Variants in KIF21B observed in about 807,000 individuals in gnomAD.
The protein encoded by KIF21B is kinesin-like protein KIF21B.
In KIF21B, 85 loss-of-function variants were observed where a neutral mutation model predicts 192.9. The observed-to-expected ratio is 0.44, with a 90% CI of 0.37 to 0.53. KIF21B has a LOEUF of 0.53. Among genes scored for constraint, KIF21B ranks in the 20% least tolerant of loss-of-function variants. The pLI is 0.00. For missense variants in KIF21B, 1,716 were observed against 2,194.8 expected, an observed-to-expected ratio of 0.78 and a Z score of 4.36; for synonymous variants, 832 against 884.6, an observed-to-expected ratio of 0.94 and a Z score of 1.05.
intron 5 of KIF21B, 105 bp from the exon 6 acceptor site, chr1:201,005,038 C>T: frequency 7.5e-7 from 1 of 1,331,664 alleles, no homozygotes; most frequent in Admixed American, 2.0e-5. Context: ...GGCCAAGCGC[C>T]TTGCCCTTCG....
In KIF21B at chr1:200,971,437, G is replaced by C. The variant is rs1006092164; in HGVS notation, c.*2084C>G. Reference sequence around the variant, plus strand: ...CAGTCACCCCAGGTGGGGCATCCCCGGCCCGGGGGTGGGAGCTCAAGGGGA... The same window carrying C: ...CAGTCACCCCAGGTGGGGCATCCCCCGCCCGGGGGTGGGAGCTCAAGGGGA... On this transcript the variant is annotated 3_prime_UTR_variant, in exon 35 of 35. Transcript: ENST00000461742. The C allele has an allele frequency of 6.6e-6, 1 of 152,548 alleles. No homozygotes were observed. The highest frequency in any genetic ancestry group is 1.5e-5 in the Non-Finnish European group (1 of 68,068). The allele number at this position is 152,548 out of a possible 1,614,324, so 9.4% of individuals were successfully genotyped here.
In KIF21B at chr1:200,979,532, C is replaced by CA; in HGVS notation, c.4160+2dup. On this transcript the variant is annotated splice_region_variant and intron_variant, in intron 30 of 34. Coordinates refer to ENST00000461742, the MANE Select transcript of KIF21B (RefSeq NM_001252102.2). The stretch of plus-strand genomic sequence containing the variant: ...CACTGTGAGGCAGGCGGGGGTTACT[C>CA]ACGTGAGAGTCCGAATGCACTTGGC... 1.3e-6 allele frequency: 2 copies of CA among 1,531,770 alleles called. No individual in the cohort carries two copies. The highest frequency in any genetic ancestry group is 1.8e-6 in the Non-Finnish European group (2 of 1,137,150). 94.9% of individuals were successfully genotyped at this position (1,531,770 alleles called of 1,614,324 possible). A position where few individuals can be genotyped will look rare whatever the true frequency, so the allele number is the denominator to read the frequency against.
chr1:201,023,007 A>C lies in KIF21B; in HGVS notation c.41+336T>G, dbSNP rs1658940897. 6.6e-6 allele frequency among the ~76,000 whole-genome samples: 1 copy of C among 152,202 alleles called. No individual in the cohort carries two copies. The highest frequency in any genetic ancestry group is 1.5e-5 in the Non-Finnish European group (1 of 68,036). ...CGTATGAGACAGCAGCCTCGTGGGGAGGCGAAGAGGAAACGCACAGACGCT... is the reference window on the plus strand; with the variant it reads ...CGTATGAGACAGCAGCCTCGTGGGGCGGCGAAGAGGAAACGCACAGACGCT... On this transcript the variant is annotated intron_variant, in intron 1 of 34. Coordinates refer to ENST00000461742, the MANE Select transcript of KIF21B (RefSeq NM_001252102.2). This position sits in a 1 kb window ranked among gnomAD's most constrained non-coding sequence, Gnocchi z 5.9.
At chr1:200,995,675 C>T (rs1034775229) in intron 15 of KIF21B, among the ~76,000 whole-genome samples, 1 of 152,218 alleles carries the variant, frequency 6.6e-6, no homozygotes, top group Non-Finnish European at 1.5e-5. Context: ...CTCTGAGCCT[C>T]ACTTTCTCAT....
chr1:201,006,164 G>A lies in KIF21B; in HGVS notation c.448-470C>T, dbSNP rs539413960. Among the ~76,000 whole-genome samples, 9 of 152,376 alleles carry A rather than the reference G, an allele frequency of 5.9e-5. No homozygotes were observed. The South Asian group carries it at 1.4e-3, about 25-fold the overall frequency. ...GTCTCTGAGGTGACGACAAGCTCTC[G>A]AAGGGGAGGAACACGCCTGTGTGCC... On this transcript the variant is annotated intron_variant, in intron 3 of 34. Transcript: ENST00000461742.
chr1:200,975,922 A>T lies in KIF21B; in HGVS notation c.4444-253T>A, dbSNP rs891730240. Among the ~76,000 whole-genome samples, 1 of 152,038 alleles carries T rather than the reference A, an allele frequency of 6.6e-6. No homozygotes were observed. Among genetic ancestry groups the T allele is most frequent in the African/African-American group, 2.4e-5 (1 of 41,398 alleles). ...CTGGGGCAGGGGTGGGAGGAGACCA[A>T]CTCAAGTAATGCAGGGGTGAATCAG... On this transcript the variant is annotated intron_variant, in intron 32 of 34. Coordinates refer to ENST00000461742, the MANE Select transcript of KIF21B (RefSeq NM_001252102.2). This position sits in a 1 kb window ranked among gnomAD's most constrained non-coding sequence, Gnocchi z 4.3.
chr1:200,986,709 C>A, intron 26 of KIF21B, 135 bp downstream of exon 26: 1 of 756,208 alleles, frequency 1.3e-6, no homozygotes, highest in Non-Finnish European at 2.2e-6. Flanking sequence ...CTGGGTGAAC[C>A]TGAATGGCTC....
chr1:200,986,366 T>C (rs1656303331), intron 26 of KIF21B, among the ~76,000 whole-genome samples: 1 of 151,214 alleles, frequency 6.6e-6, no homozygotes, highest in Non-Finnish European at 1.5e-5. Flanking sequence ...TTTTTTTCTT[T>C]TTTTTTTTTG....
In KIF21B at chr1:200,988,929, C is replaced by A. The variant is rs763331252; in HGVS notation, c.3135G>T (p.Gly1045=). 2 of 1,608,208 alleles carry A rather than the reference C, an allele frequency of 1.2e-6. No homozygotes were observed. Among genetic ancestry groups the A allele is most frequent in the East Asian group, 2.2e-5 (1 of 44,810 alleles). Residue 1045 remains glycine, a splice_region_variant and synonymous_variant, in exon 22 of 35, where the codon GGG becomes GGT. Coordinates refer to ENST00000461742, the MANE Select transcript of KIF21B (RefSeq NM_001252102.2). ...DNFLKASIDK[G]LQVAQKEAQI... ...GGGCTTCCTTTTGTGCCACTTGCAGCCCCTGGGGGCAGGGAACAAAGCCTG... is the reference window on the plus strand; with the variant it reads ...GGGCTTCCTTTTGTGCCACTTGCAGACCCTGGGGGCAGGGAACAAAGCCTG...
Position 200,988,931 on chromosome 1 carries a change from C to G in KIF21B, c.3133G>C (p.Gly1045Arg). ...GCTTCCTTTTGTGCCACTTGCAGCC[C>G]CTGGGGGCAGGGAACAAAGCCTGGA... ...DNFLKASIDK[G>R]LQVAQKEAQI... Residue 1045 changes from glycine to arginine, a missense_variant and splice_region_variant, in exon 22 of 35, where the codon GGG becomes CGG. Physicochemically the swap from Gly to Arg is moderately radical, Grantham distance 125. Transcript: ENST00000461742. 6.2e-7 allele frequency: 1 copy of G among 1,608,334 alleles called. No individual in the cohort carries two copies. Among genetic ancestry groups the G allele is most frequent in the East Asian group, 2.2e-5 (1 of 44,812 alleles).
intron 8 of KIF21B, chr1:201,003,371 G>A: frequency 1.7e-6 from 1 of 600,426 alleles, no homozygotes; most frequent in Non-Finnish European, 3.0e-6. Context: ...AATCTTGAGG[G>A]CTCAGACTAT....
At chr1:200,994,602 G>A (rs1656932461) in intron 15 of KIF21B, among the ~76,000 whole-genome samples, 1 of 152,238 alleles carries the variant, frequency 6.6e-6, no homozygotes, top group Non-Finnish European at 1.5e-5. Flanking sequence ...GCATCTTGGC[G>A]TTACATTATT....
At position 200,982,178 on chromosome 1, in the gene KIF21B, T is replaced by C. The variant is rs1434827670; in HGVS notation, c.3842+878A>G. Among the ~76,000 whole-genome samples the C allele has an allele frequency of 6.6e-6, 1 of 152,190 alleles. No homozygotes were observed. The highest frequency in any genetic ancestry group is 2.4e-5 in the African/African-American group (1 of 41,436). On this transcript the variant is annotated intron_variant, in intron 28 of 34. Coordinates refer to ENST00000461742, the MANE Select transcript of KIF21B (RefSeq NM_001252102.2). The surrounding 1 kb of genome is among the most constrained non-coding windows in gnomAD (Gnocchi z 4.7). ...AGCTCCCCAAGCTGCTCCAGCACCC[T>C]GCTTCTGACAATGGTTTGGCTTCAC...
chr1:201,004,154 A>G (rs1657661042), intron 7 of KIF21B, among the ~76,000 whole-genome samples, 186 bp downstream of exon 7: 1 of 152,150 alleles, frequency 6.6e-6, no homozygotes, highest in Non-Finnish European at 1.5e-5. Flanking sequence ...TGATAAGGAA[A>G]CTGAGTCTGG....
chr1:200,979,770 G>A (rs1420681594), intron 29 of KIF21B, 55 bp from the exon 30 acceptor site: 14 of 1,432,998 alleles, frequency 9.8e-6, no homozygotes, highest in Non-Finnish European at 1.3e-5. Flanking sequence ...CCACTAGGGG[G>A]CGCAGCTCCA....
intron 22 of KIF21B, 56 bp from the exon 23 acceptor site, chr1:200,988,600 G>T: frequency 6.7e-7 from 1 of 1,493,688 alleles, no homozygotes; most frequent in South Asian, 1.3e-5. Context: ...CAAGTGTCGG[G>T]GGAGGGATGA....
At chr1:201,022,320 G>A (rs565083253) in intron 1 of KIF21B, among the ~76,000 whole-genome samples, 2 of 152,178 alleles carry the variant, frequency 1.3e-5, no homozygotes, top group South Asian at 2.1e-4. Context: ...ACAATCCCCC[G>A]CCCCCTCCAT....
At position 200,987,978 on chromosome 1, in the gene KIF21B, T is replaced by A. The variant is rs575152733; in HGVS notation, c.3408+318A>T. Among the ~76,000 whole-genome samples, 29 of 152,302 alleles carry A rather than the reference T, an allele frequency of 1.9e-4. 1 individual carries two copies. The South Asian group carries it at 6.0e-3, about 32-fold the overall frequency. On this transcript the variant is annotated intron_variant, in intron 24 of 34. Transcript: ENST00000461742. Reference sequence around the variant, plus strand: ...TTTTGACTTAGAGTGTGAGGCAGAATCATGGGTGGGGGAAAGGGGATATTT... The same window carrying A: ...TTTTGACTTAGAGTGTGAGGCAGAAACATGGGTGGGGGAAAGGGGATATTT...
rs867821133 is a variant in KIF21B at position 201,021,505 on chromosome 1, T to C, written c.41+1838A>G. Among the ~76,000 whole-genome samples the C allele has an allele frequency of 1.1e-4, 17 of 152,346 alleles. No homozygotes were observed. The Middle Eastern group carries it at 0.01, about 91-fold the overall frequency. On this transcript the variant is annotated intron_variant, in intron 1 of 34. Coordinates refer to ENST00000461742, the MANE Select transcript of KIF21B (RefSeq NM_001252102.2). ...GACTGGGAACCAGAGATGACACACA[T>C]GGTCCTGAACTGGGTGCAGAGGGCA...
Sources: gnomAD v4.1 joint callset for allele counts (sites outside exome capture counted in the v4.1 genomes callset) on GRCh38, gnomAD v4.1.1 for gene constraint, Gnocchi (gnomAD v3.1) non-coding constraint, MANE v1.5 for transcripts, NCBI Gene and HGNC (gene_info 2026-07-23, HGNC 2026-07-21) for gene names.